The following CACNA1C variants were observed in gnomAD, a reference collection of about 807,000 sequenced individuals.
The protein encoded by CACNA1C is calcium voltage-gated channel subunit alpha1 C.
CACNA1C carries 30 observed loss-of-function variants against 229.0 expected under a neutral mutation model. That is an observed-to-expected ratio of 0.13 (90% CI 0.10 to 0.18). CACNA1C has a LOEUF of 0.18. Among genes scored for constraint, CACNA1C ranks in the 10% least tolerant of loss-of-function variants. The pLI is 1.00. For missense variants in CACNA1C, 1,658 were observed against 2,845.0 expected, an observed-to-expected ratio of 0.58 and a Z score of 9.49; for synonymous variants, 1,114 against 1,132.5, an observed-to-expected ratio of 0.98 and a Z score of 0.33.
At chr12:2,332,126 A>G (rs973089799) in intron 3 of CACNA1C, among the ~76,000 whole-genome samples, 2 of 152,232 alleles carry the variant, frequency 1.3e-5, no homozygotes, top group Non-Finnish European at 1.5e-5. Flanking sequence ...GGCATAAAGG[A>G]CATCCTGTTT....
chr12:2,257,656 C>T (rs2078495047), intron 3 of CACNA1C, among the ~76,000 whole-genome samples: 1 of 152,200 alleles, frequency 6.6e-6, no homozygotes, highest in Non-Finnish European at 1.5e-5. Context: ...GCTGGGGACC[C>T]CCGCTCTAGC....
At chr12:1,994,715 A>G (rs1279029186) in intron 1 of CACNA1C, among the ~76,000 whole-genome samples, 1 of 152,244 alleles carries the variant, frequency 6.6e-6, no homozygotes, top group East Asian at 1.9e-4. Flanking sequence ...GTTTTCATAC[A>G]AGAATGAGAA....
chr12:2,060,632 G>T (rs183271507), intron 1 of CACNA1C, among the ~76,000 whole-genome samples: 1 of 152,332 alleles, frequency 6.6e-6, no homozygotes, highest in Admixed American at 6.5e-5. Flanking sequence ...CATGCTTAGA[G>T]ATGTGGCTTT....
rs368019952 is a variant in CACNA1C at position 2,067,487 on chromosome 12, C to T, written c.49+13876C>T. On this transcript the variant is annotated intron_variant, in intron 1 of 46. Coordinates refer to ENST00000399655, the MANE Select transcript of CACNA1C (RefSeq NM_000719.7). This position sits in a 1 kb window ranked among gnomAD's most constrained non-coding sequence, Gnocchi z 5.3. The stretch of plus-strand genomic sequence containing the variant: ...GTGTGTGTGTGTGTGTGTGTGCGCG[C>T]GTGTGCGTGCCTGTATGTAAGGGCA... 0.01 allele frequency among the ~76,000 whole-genome samples: 553 copies of T among 52,990 alleles called. 6 individuals carry two copies. The highest frequency in any genetic ancestry group is 0.026 in the African/African-American group (503 of 19,328). The allele number at this position is 52,990 out of a possible 152,430, so 34.8% of individuals were successfully genotyped here.
chr12:2,177,677 C>T (rs548195755), intron 3 of CACNA1C, among the ~76,000 whole-genome samples: 1 of 150,088 alleles, frequency 6.7e-6, no homozygotes, highest in South Asian at 2.1e-4. Flanking sequence ...CGCTCTGTTG[C>T]CCAGGCTGGA....
chr12:2,420,145 G>C (rs77888868), intron 3 of CACNA1C, among the ~76,000 whole-genome samples: 7,896 of 150,238 alleles, frequency 0.053, 248 homozygotes, highest in Non-Finnish European at 0.069. Flanking sequence ...GTGTGTGTGT[G>C]TGTAGGGGGA....
chr12:2,021,154 T>C (rs1478802077), intron 1 of CACNA1C, among the ~76,000 whole-genome samples: 1 of 152,238 alleles, frequency 6.6e-6, no homozygotes, highest in African/African-American at 2.4e-5. Context: ...ATAATAATAG[T>C]TGATAATAAC....
At chr12:2,264,592 G>A (rs941284072) in intron 3 of CACNA1C, among the ~76,000 whole-genome samples, 3 of 152,144 alleles carry the variant, frequency 2.0e-5, no homozygotes, top group Non-Finnish European at 2.9e-5. Context: ...CTGTGTGCTC[G>A]TGGTTCCTCC....
intron 1 of CACNA1C, among the ~76,000 whole-genome samples, chr12:2,063,670 T>C (rs1249402273): frequency 1.3e-5 from 2 of 152,244 alleles, no homozygotes; most frequent in Non-Finnish European, 2.9e-5. Flanking sequence ...TTCAAAGGTA[T>C]CTTAGCATAA....
chr12:2,097,207 G>C (rs560514435), intron 1 of CACNA1C, among the ~76,000 whole-genome samples: 2 of 151,950 alleles, frequency 1.3e-5, no homozygotes, highest in African/African-American at 2.4e-5. Context: ...GTGCAGTGGC[G>C]CGATCTCGGC....
chr12:2,120,656 C>CTGTGTGTGTGTGTG lies in CACNA1C; in HGVS notation c.477+254_477+267dup, dbSNP rs112680750. ...TATTCCAGTTAGGTGGTGGTGAGCT[C>CTGTGTGTGTGTGTG]TGTGTGTGTGTGTGTGTGTGTGTGT... On this transcript the variant is annotated intron_variant, in intron 3 of 46. Coordinates refer to ENST00000399655, the MANE Select transcript of CACNA1C (RefSeq NM_000719.7). Among the ~76,000 whole-genome samples the CTGTGTGTGTGTGTG allele has an allele frequency of 3.6e-3, 505 of 139,818 alleles. 2 individuals carry two copies. Among genetic ancestry groups the CTGTGTGTGTGTGTG allele is most frequent in the African/African-American group, 0.012 (435 of 36,790 alleles). 91.7% of individuals were successfully genotyped at this position (139,818 alleles called of 152,430 possible).
chr12:2,260,942 C>T (rs373576036), intron 3 of CACNA1C, among the ~76,000 whole-genome samples: 6 of 151,930 alleles, frequency 3.9e-5, no homozygotes, highest in African/African-American at 1.5e-4. Flanking sequence ...ATTAAAAAAC[C>T]GATTGTGGCC....
intron 34 of CACNA1C, among the ~76,000 whole-genome samples, chr12:2,659,359 C>CTGT (rs2095587733): frequency 6.6e-6 from 1 of 152,204 alleles, no homozygotes; most frequent in African/African-American, 2.4e-5. Flanking sequence ...TCAGTACAGT[C>CTGT]ACATGCTGTA....
In CACNA1C at chr12:2,646,751, T is replaced by C. The variant is rs1603294621; in HGVS notation, c.3913-1724T>C. On this transcript the variant is annotated intron_variant, in intron 30 of 46. Coordinates refer to ENST00000399655, the MANE Select transcript of CACNA1C (RefSeq NM_000719.7). This position sits in a 1 kb window ranked among gnomAD's most constrained non-coding sequence, Gnocchi z 4.6. ...GAAATTTCTTCTGTGCATGCCTGTATGAGAGAGAGAGAGAGAAAGAGAGAG... is the reference window on the plus strand; with the variant it reads ...GAAATTTCTTCTGTGCATGCCTGTACGAGAGAGAGAGAGAGAAAGAGAGAG... Among the ~76,000 whole-genome samples, 1 of 112,746 alleles carries C rather than the reference T, an allele frequency of 8.9e-6. No homozygotes were observed. The highest frequency in any genetic ancestry group is 3.8e-5 in the African/African-American group (1 of 26,502). The allele number at this position is 112,746 out of a possible 152,430, so 74.0% of individuals were successfully genotyped here.
intron 3 of CACNA1C, among the ~76,000 whole-genome samples, chr12:2,412,270 G>A (rs974344800): frequency 6.6e-6 from 1 of 152,188 alleles, no homozygotes; most frequent in Admixed American, 6.5e-5. Context: ...GCACACACCG[G>A]AGAGGCCTTC....
chr12:2,619,336 G>A (rs111316568), intron 29 of CACNA1C, among the ~76,000 whole-genome samples: 21 of 152,310 alleles, frequency 1.4e-4, no homozygotes, highest in Admixed American at 4.6e-4. Flanking sequence ...GGATCCCTAC[G>A]CCTGGGGAGT....
rs1270038212 is a variant in CACNA1C, at chr12:2,602,629, CTTGTGTGTGTGT to C, written c.2960+670_2960+681del. 1.9e-3 allele frequency among the ~76,000 whole-genome samples: 170 copies of C among 87,842 alleles called. 1 individual carries two copies. Among genetic ancestry groups the C allele is most frequent in the African/African-American group, 6.3e-3 (155 of 24,442 alleles). 57.6% of individuals were successfully genotyped at this position (87,842 alleles called of 152,430 possible). A position where few individuals can be genotyped will look rare whatever the true frequency, so the allele number is the denominator to read the frequency against. ...TGTGTGTGACTGTGTATATTTGTGT[CTTGTGTGTGTGT>C]GTGTGTGTGTGTGTGTGTGTGTGTG... On this transcript the variant is annotated intron_variant, in intron 22 of 46. Transcript: ENST00000399655. The surrounding 1 kb of genome is among the most constrained non-coding windows in gnomAD (Gnocchi z 4.4).
At chr12:1,981,270 T>G (rs966086368) in intron 1 of CACNA1C, among the ~76,000 whole-genome samples, 1 of 152,216 alleles carries the variant, frequency 6.6e-6, no homozygotes, top group African/African-American at 2.4e-5. Flanking sequence ...TAATGCCTAA[T>G]GGCTAATGCT....
At chr12:2,461,844 C>G (rs746097399) in intron 5 of CACNA1C, among the ~76,000 whole-genome samples, 4 of 152,194 alleles carry the variant, frequency 2.6e-5, no homozygotes, top group Non-Finnish European at 5.9e-5. Context: ...GCTGGCCGCC[C>G]TCGCCTCCGT....
Sources: gnomAD v4.1 joint callset for allele counts (sites outside exome capture counted in the v4.1 genomes callset) on GRCh38, gnomAD v4.1.1 for gene constraint, Gnocchi (gnomAD v3.1) non-coding constraint, MANE v1.5 for transcripts, NCBI Gene and HGNC (gene_info 2026-07-23, HGNC 2026-07-21) for gene names.